The following PHF21A variants were observed in gnomAD, a reference collection of about 807,000 sequenced individuals.
The protein encoded by PHF21A is BHC80a.
A neutral mutation model predicts 82.5 loss-of-function variants in PHF21A; 11 were observed. The ratio of observed to expected loss-of-function variants is 0.13; its 90% CI spans 0.08 to 0.22. The LOEUF (loss-of-function observed/expected upper bound fraction) is 0.22, where lower values mean the gene tolerates loss of function less well. Ranked by LOEUF, PHF21A falls within the 10% of genes least tolerant of loss-of-function variation. The pLI is 1.00. For missense variants in PHF21A, 579 were observed against 837.8 expected (o/e 0.69, Z 3.81); for synonymous variants, 297 against 302.8 (o/e 0.98, Z 0.20).
intron 6 of PHF21A, among the ~76,000 whole-genome samples, chr11:46,008,076 G>A: frequency 6.6e-6 from 1 of 152,202 alleles, no homozygotes; most frequent in East Asian, 1.9e-4. Context: ...TTAACACGAA[G>A]TGAAGTTCAG....
intron 6 of PHF21A, among the ~76,000 whole-genome samples, chr11:46,065,997 G>A (rs1165252205): frequency 1.3e-5 from 2 of 152,168 alleles, no homozygotes; most frequent in South Asian, 2.1e-4. Flanking sequence ...TTTCTTTAGT[G>A]ATTTAAAATT....
intron 8 of PHF21A, 144 bp downstream of exon 8, chr11:45,970,972 T>C: frequency 1.0e-6 from 1 of 994,260 alleles, no homozygotes; most frequent in Non-Finnish European, 1.4e-6. Flanking sequence ...CCATATTCCC[T>C]TGTCAGCCCC....
intron 1 of PHF21A, among the ~76,000 whole-genome samples, chr11:46,101,684 G>C (rs1287315611): frequency 1.3e-5 from 2 of 152,056 alleles, no homozygotes; most frequent in African/African-American, 4.8e-5. Flanking sequence ...CCAGGCTGGA[G>C]TGCAGTGGCA....
chr11:45,940,004 G>C (rs1471123550), intron 15 of PHF21A, among the ~76,000 whole-genome samples: 3 of 151,994 alleles, frequency 2.0e-5, no homozygotes, highest in East Asian at 3.9e-4. Flanking sequence ...AGCAATAATA[G>C]AGAGGAATGT....
At chr11:45,960,459 A>T (rs574409693) in intron 10 of PHF21A, among the ~76,000 whole-genome samples, 1 of 152,376 alleles carries the variant, frequency 6.6e-6, no homozygotes, top group African/African-American at 2.4e-5. Flanking sequence ...ATATTGTATG[A>T]TTCTATGTAT....
At chr11:45,949,266 A>G (rs945145874) in intron 13 of PHF21A, 136 bp downstream of exon 13, 7 of 754,340 alleles carry the variant, frequency 9.3e-6, no homozygotes, top group Non-Finnish European at 1.4e-5. Flanking sequence ...TAAGTCAAAA[A>G]AAATCTACCA....
chr11:45,971,355 T>C lies in PHF21A; in HGVS notation c.373A>G (p.Thr125Ala). Residue 125 changes from threonine (T) to alanine (A), a missense_variant, in exon 8 of 19, where the codon ACA becomes GCA. Coordinates refer to ENST00000676320, the MANE Select transcript of PHF21A (RefSeq NM_001352027.3). ...NLTASQKTVT[T>A]ASMITTKTLP... ...GTCTTTGTGGTAATCATAGAAGCTG[T>C]AGTTACAGTCTTCTAGGAGACAGGG... The C allele has an allele frequency of 6.2e-7, 1 of 1,613,942 alleles. No individual in the cohort carries two copies. Among genetic ancestry groups the C allele is most frequent in the Non-Finnish European group, 8.5e-7 (1 of 1,179,874 alleles).
intron 1 of PHF21A, among the ~76,000 whole-genome samples, chr11:46,107,201 C>T (rs1441093805): frequency 6.6e-6 from 1 of 152,190 alleles, no homozygotes; most frequent in Non-Finnish European, 1.5e-5. Context: ...CTAGTTTAGA[C>T]TATCATACAT....
intron 15 of PHF21A, among the ~76,000 whole-genome samples, chr11:45,943,283 C>T (rs767433042): frequency 2.2e-4 from 33 of 151,954 alleles, no homozygotes; most frequent in Non-Finnish European, 4.3e-4. Context: ...CCAGTATGCC[C>T]GGCTAATTTT....
chr11:45,972,917 C>T (rs909052360), intron 7 of PHF21A, among the ~76,000 whole-genome samples: 11 of 128,980 alleles, frequency 8.5e-5, no homozygotes, highest in African/African-American at 2.6e-4. Context: ...GTCTCAAAAA[C>T]AAAAAAAAAA....
intron 1 of PHF21A, among the ~76,000 whole-genome samples, chr11:46,115,589 G>C (rs1475026886): frequency 6.6e-6 from 1 of 152,022 alleles, no homozygotes; most frequent in African/African-American, 2.4e-5. Context: ...AAACGTTAAA[G>C]AATTCTTAGG....
At chr11:46,018,419 C>T (rs1325595147) in intron 6 of PHF21A, among the ~76,000 whole-genome samples, 11 of 152,124 alleles carry the variant, frequency 7.2e-5, no homozygotes, top group Admixed American at 5.2e-4. Flanking sequence ...TAACACTTAG[C>T]CTCTGGTGTA....
chr11:45,945,544 G>T (rs1173408898), intron 15 of PHF21A, among the ~76,000 whole-genome samples: 1 of 152,140 alleles, frequency 6.6e-6, no homozygotes, highest in Admixed American at 6.5e-5. Context: ...TCAACTGTAT[G>T]AGCTGATCTC....
intron 6 of PHF21A, among the ~76,000 whole-genome samples, chr11:46,048,654 C>T (rs548695537): frequency 6.5e-4 from 99 of 152,198 alleles, no homozygotes; most frequent in African/African-American, 2.3e-3. Context: ...CCTGTAATCC[C>T]AGCTACTCGG....
At chr11:46,015,908 ATCT>A (rs2095508035) in intron 6 of PHF21A, among the ~76,000 whole-genome samples, 1 of 145,150 alleles carries the variant, frequency 6.9e-6, no homozygotes, top group Non-Finnish European at 1.5e-5. Flanking sequence ...CTATCTATCT[ATCT>A]ATCTATCTAT....
intron 3 of PHF21A, among the ~76,000 whole-genome samples, chr11:46,088,677 A>G (rs2096884942): frequency 1.3e-5 from 2 of 152,234 alleles, no homozygotes; most frequent in Admixed American, 6.5e-5. Flanking sequence ...TAAATAAGGC[A>G]AAATTATATG....
intron 6 of PHF21A, among the ~76,000 whole-genome samples, chr11:45,981,272 G>A (rs2094268266): frequency 6.6e-6 from 1 of 151,728 alleles, no homozygotes; most frequent in South Asian, 2.1e-4. Flanking sequence ...TGTAATCCCA[G>A]CTACTCAGCA....
chr11:46,103,586 T>C (rs1380268624), intron 1 of PHF21A, among the ~76,000 whole-genome samples: 2 of 152,224 alleles, frequency 1.3e-5, no homozygotes, highest in African/African-American at 4.8e-5. Flanking sequence ...TAAACACACC[T>C]ATTCACCTAC....
chr11:45,971,551 G>A (rs536685152), intron 7 of PHF21A, among the ~76,000 whole-genome samples, 184 bp from the exon 8 acceptor site: 53 of 152,194 alleles, frequency 3.5e-4, no homozygotes, highest in African/African-American at 1.2e-3. Flanking sequence ...ACAGAGAAAG[G>A]CAATCTCTAG....
Sources: allele counts gnomAD v4.1 joint callset (sites outside exome capture counted in the v4.1 genomes callset), GRCh38; gene constraint gnomAD v4.1.1; transcripts MANE v1.5; gene names NCBI Gene and HGNC (gene_info 2026-07-23, HGNC 2026-07-21).